The following DENND1B variants were observed in gnomAD, a reference collection of about 807,000 sequenced individuals.
DENND1B encodes DENN domain containing 1B.
A neutral mutation model predicts 90.1 loss-of-function variants in DENND1B; 59 were observed. The observed-to-expected ratio is 0.65, with a 90% CI of 0.53 to 0.81. The LOEUF (loss-of-function observed/expected upper bound fraction) is 0.81, where lower values mean the gene tolerates loss of function less well. Ranked by LOEUF, DENND1B falls within the 40% of genes least tolerant of loss-of-function variation. DENND1B has a pLI of 0.00. For missense variants in DENND1B, 862 were observed against 912.6 expected (o/e 0.94, Z 0.71); for synonymous variants, 337 against 324.6 (o/e 1.04, Z -0.41).
intron 2 of DENND1B, among the ~76,000 whole-genome samples, chr1:197,723,890 A>G (rs1457360798): frequency 2.0e-5 from 3 of 152,136 alleles, no homozygotes; most frequent in Non-Finnish European, 2.9e-5. Context: ...AACACTCATT[A>G]TACTTAACTC....
Position 197,760,502 on chromosome 1 carries a change from A to G in DENND1B, c.82+12366T>C, listed in dbSNP as rs928475664. Among the ~76,000 whole-genome samples, 9 of 152,074 alleles carry G rather than the reference A, an allele frequency of 5.9e-5. No individual in the cohort carries two copies. The East Asian group carries it at 1.6e-3, about 26-fold the overall frequency. ...CCATCTCTACAAAAATTAGCTGGGC[A>G]TGGTGGTGTGTACCTGTAATCCCAG... On this transcript the variant is annotated intron_variant, in intron 2 of 22. Coordinates refer to ENST00000620048, the MANE Select transcript of DENND1B (RefSeq NM_001195215.2).
chr1:197,660,899 G>C (rs963927612), intron 5 of DENND1B, among the ~76,000 whole-genome samples: 1 of 151,948 alleles, frequency 6.6e-6, no homozygotes, highest in Non-Finnish European at 1.5e-5. Flanking sequence ...AGGAATACAC[G>C]GATGTAGGAG....
At chr1:197,691,178 C>T (rs1384100596) in intron 3 of DENND1B, among the ~76,000 whole-genome samples, 1 of 150,520 alleles carries the variant, frequency 6.6e-6, no homozygotes, top group African/African-American at 2.4e-5. Flanking sequence ...CAACCTATAA[C>T]ATCTAAGAAA....
At chr1:197,706,519 G>A (rs896290256) in intron 3 of DENND1B, among the ~76,000 whole-genome samples, 2 of 152,144 alleles carry the variant, frequency 1.3e-5, no homozygotes, top group Non-Finnish European at 2.9e-5. Flanking sequence ...GAATGTATAC[G>A]TAAACTAATC....
intron 10 of DENND1B, among the ~76,000 whole-genome samples, chr1:197,619,304 G>T (rs74134857): frequency 6.6e-6 from 1 of 151,104 alleles, no homozygotes; most frequent in Non-Finnish European, 1.5e-5. Flanking sequence ...AGAGGGAAAT[G>T]AAAATGGGGT....
In DENND1B at chr1:197,506,080, A is replaced by G. The variant is rs902786316; in HGVS notation, c.*4380T>C. 9 of 151,698 alleles carry G rather than the reference A, an allele frequency of 5.9e-5. No homozygotes were observed. The highest frequency in any genetic ancestry group is 1.2e-4 in the African/African-American group (5 of 41,392). The allele number at this position is 151,698 out of a possible 1,614,324, so 9.4% of individuals were successfully genotyped here. The stretch of plus-strand genomic sequence containing the variant: ...AAGAATATATTTTTTTCTGAAATCA[A>G]TGAGAACATTGCTACATACAGATTT... On this transcript the variant is annotated 3_prime_UTR_variant, in exon 23 of 23. Transcript: ENST00000620048.
At chr1:197,539,729 ACT>A (rs1670188183) in intron 20 of DENND1B, among the ~76,000 whole-genome samples, 1 of 152,146 alleles carries the variant, frequency 6.6e-6, no homozygotes, top group Non-Finnish European at 1.5e-5. Context: ...CCTTCACTGG[ACT>A]ATGAGATCTA....
intron 10 of DENND1B, among the ~76,000 whole-genome samples, chr1:197,638,963 T>C (rs1305746048): frequency 1.3e-5 from 2 of 152,038 alleles, no homozygotes; most frequent in African/African-American, 2.4e-5. Context: ...CTTTAAAATA[T>C]AGGGAGAAAA....
chr1:197,647,125 A>C lies in DENND1B; in HGVS notation c.448-11T>G. On this transcript the variant is annotated splice_polypyrimidine_tract_variant and intron_variant, in intron 7 of 22. Coordinates refer to ENST00000620048, the MANE Select transcript of DENND1B (RefSeq NM_001195215.2). ...AAATATCTCTTGGTTCTTATAATAC[A>C]TGAGAGAAAAAAATGAATATTTTAC... The C allele has an allele frequency of 7.0e-7, 1 of 1,428,460 alleles. No individual in the cohort carries two copies. Among genetic ancestry groups the C allele is most frequent in the Non-Finnish European group, 9.1e-7 (1 of 1,096,206 alleles). The allele number at this position is 1,428,460 out of a possible 1,614,324, so 88.5% of individuals were successfully genotyped here.
chr1:197,539,997 C>T lies in DENND1B; in HGVS notation c.1482G>A (p.Lys494=). Residue 494 remains lysine, a synonymous_variant, in exon 20 of 23, where the codon AAG becomes AAA. Coordinates refer to ENST00000620048, the MANE Select transcript of DENND1B (RefSeq NM_001195215.2). ...GCTTACGCTTTTCTGAGTTTCCTCC[C>T]TTTTCATTGTGTAATTTGTAAACTG... The part of the protein sequence containing the change: ...YTPVYKLHNE[K]GGNSEKRKLA... 3 of 1,613,264 alleles carry T rather than the reference C, an allele frequency of 1.9e-6. No homozygotes were observed. Among genetic ancestry groups the T allele is most frequent in the Non-Finnish European group, 2.5e-6 (3 of 1,179,508 alleles).
At chr1:197,745,234 C>T (rs192378749) in intron 2 of DENND1B, among the ~76,000 whole-genome samples, 30 of 152,328 alleles carry the variant, frequency 2.0e-4, no homozygotes, top group Admixed American at 1.6e-3. Flanking sequence ...CACAACCTGA[C>T]ACAAACAGTT....
intron 3 of DENND1B, among the ~76,000 whole-genome samples, chr1:197,713,780 T>A (rs867730185): frequency 2.9e-4 from 5 of 17,422 alleles, no homozygotes; most frequent in East Asian, 2.6e-3. Context: ...TATTATTATA[T>A]TATATTATAA....
At chr1:197,590,077 G>C (rs1337090187) in intron 14 of DENND1B, among the ~76,000 whole-genome samples, 1 of 152,116 alleles carries the variant, frequency 6.6e-6, no homozygotes, top group Non-Finnish European at 1.5e-5. Flanking sequence ...TCATTTAAAA[G>C]TATTGTCATG....
Position 197,564,395 on chromosome 1 carries a change from C to CAAAAAA in DENND1B, c.1150-11289_1150-11284dup, listed in dbSNP as rs71131780. Among the ~76,000 whole-genome samples, 489 of 62,808 alleles carry CAAAAAA rather than the reference C, an allele frequency of 7.8e-3. 3 individuals carry two copies. The highest frequency in any genetic ancestry group is 0.01 in the East Asian group (17 of 1,622). 41.2% of individuals were successfully genotyped at this position (62,808 alleles called of 152,430 possible). A position where few individuals can be genotyped will look rare whatever the true frequency, so the allele number is the denominator to read the frequency against. ...ATACTGAGGCAAGAACCTCCACCAG[C>CAAAAAA]AAAAAAAAAAAAAAAAAAAAAAAAA... is the stretch of plus-strand genomic sequence containing the variant. On this transcript the variant is annotated intron_variant, in intron 15 of 22. Coordinates refer to ENST00000620048, the MANE Select transcript of DENND1B (RefSeq NM_001195215.2).
At chr1:197,750,022 T>C (rs1016776465) in intron 2 of DENND1B, among the ~76,000 whole-genome samples, 4 of 152,120 alleles carry the variant, frequency 2.6e-5, no homozygotes, top group Non-Finnish European at 4.4e-5. Flanking sequence ...AATTCTTTTA[T>C]GGTTTGTTGA....
intron 3 of DENND1B, chr1:197,690,593 GA>G: frequency 4.1e-6 from 1 of 244,362 alleles, no homozygotes; most frequent in Admixed American, 4.4e-5. Flanking sequence ...CTAGAGTTGG[GA>G]AGGTCAGCAA....
intron 20 of DENND1B, among the ~76,000 whole-genome samples, chr1:197,528,065 A>G (rs1669273549): frequency 6.6e-6 from 1 of 152,206 alleles, no homozygotes. Context: ...TAAATACAAT[A>G]CTATAAACCA....
In DENND1B at chr1:197,735,256, A is replaced by T. The variant is rs187368909; in HGVS notation, c.83-20182T>A. The stretch of plus-strand genomic sequence containing the variant: ...CAATCTGTAAAATGATTACAGTACC[A>T]AATACATCCACCCAAATACTGGAGG... On this transcript the variant is annotated intron_variant, in intron 2 of 22. Transcript: ENST00000620048. 2.7e-4 allele frequency: 308 copies of T among 1,134,368 alleles called. No homozygotes were observed. The African/African-American group carries it at 4.8e-3, about 17-fold the overall frequency. 70.3% of individuals were successfully genotyped at this position (1,134,368 alleles called of 1,614,324 possible). A position where few individuals can be genotyped will look rare whatever the true frequency, so the allele number is the denominator to read the frequency against.
At chr1:197,652,053 T>C (rs1653270865) in intron 7 of DENND1B, among the ~76,000 whole-genome samples, 182 bp downstream of exon 7, 1 of 152,196 alleles carries the variant, frequency 6.6e-6, no homozygotes, top group Non-Finnish European at 1.5e-5. Context: ...ATATATGAAG[T>C]TATGATAGTT....
Sources: gnomAD v4.1 joint callset for allele counts (sites outside exome capture counted in the v4.1 genomes callset) on GRCh38, gnomAD v4.1.1 for gene constraint, MANE v1.5 for transcripts, NCBI Gene and HGNC (gene_info 2026-07-23, HGNC 2026-07-21) for gene names.